PNKD: variants seen among roughly 807,000 people sequenced by gnomAD.
PNKD encodes the protein PNKD metallo-beta-lactamase domain containing, also known as probable thioesterase PNKD.
Under a neutral mutation model 45.3 loss-of-function variants are expected in PNKD, and 36 were observed. The observed-to-expected ratio is 0.80, with a 90% CI of 0.61 to 1.05. The LOEUF (loss-of-function observed/expected upper bound fraction) is 1.05, where lower values mean the gene tolerates loss of function less well. Ranked by LOEUF, PNKD falls within the 50% of genes least tolerant of loss-of-function variation. The pLI is 0.00. For synonymous variants in PNKD, 197 were observed against 210.1 expected (o/e 0.94, Z 0.54); for missense variants, 511 against 506.6 (o/e 1.01, Z -0.08).
intron 2 of PNKD, chr2:218,279,240 C>T: frequency 3.8e-6 from 6 of 1,562,262 alleles, no homozygotes; most frequent in Non-Finnish European, 5.2e-6. Flanking sequence ...AGCAGGTGAC[C>T]CTGAACCCCC....
intron 2 of PNKD, among the ~76,000 whole-genome samples, chr2:218,333,384 G>A (rs559962637): frequency 3.3e-5 from 5 of 152,354 alleles, no homozygotes; most frequent in African/African-American, 1.2e-4. Flanking sequence ...TCAGCATTTA[G>A]TAAGGGGAGG....
chr2:218,335,182 T>A (rs1043478043), intron 2 of PNKD, among the ~76,000 whole-genome samples: 5 of 150,562 alleles, frequency 3.3e-5, no homozygotes, highest in Admixed American at 3.3e-4. Flanking sequence ...TAAATAAATA[T>A]AAATATAAAT....
intron 2 of PNKD, chr2:218,277,446 G>C (rs1298189070): frequency 1.2e-6 from 2 of 1,614,004 alleles, no homozygotes; most frequent in Admixed American, 3.3e-5. Flanking sequence ...GCTTTGGTTT[G>C]GTACATACTG....
intron 2 of PNKD, among the ~76,000 whole-genome samples, chr2:218,299,065 T>C (rs974218976): frequency 6.6e-6 from 1 of 152,204 alleles, no homozygotes; most frequent in Non-Finnish European, 1.5e-5. Context: ...TCTGTGACCA[T>C]ATCAGGATCA....
chr2:218,299,684 T>C (rs1693224715), intron 2 of PNKD, among the ~76,000 whole-genome samples: 1 of 150,940 alleles, frequency 6.6e-6, no homozygotes, highest in Non-Finnish European at 1.5e-5. Context: ...AATGGTGCCA[T>C]GATCTCAGCT....
intron 2 of PNKD, among the ~76,000 whole-genome samples, chr2:218,311,333 A>C (rs1693610925): frequency 6.6e-6 from 1 of 152,214 alleles, no homozygotes; most frequent in East Asian, 1.9e-4. Flanking sequence ...ACACAGAGAC[A>C]AAGTATAGAG....
At chr2:218,274,106 T>C (rs1446776282) in intron 2 of PNKD, 1 of 154,902 alleles carries the variant, frequency 6.5e-6, no homozygotes, top group Admixed American at 6.5e-5. Context: ...TTTGATTACC[T>C]TGGAAAAGGT....
chr2:218,282,159 G>A (rs2292555), intron 2 of PNKD: 31 of 1,462,758 alleles, frequency 2.1e-5, no homozygotes, highest in Admixed American at 2.8e-5. Context: ...CACGGGCTGA[G>A]GGGGAACCCC....
Position 218,345,015 on chromosome 2 carries a change from G to A in PNKD, c.*34G>A, listed in dbSNP as rs751712050. The A allele has an allele frequency of 1.2e-5, 19 of 1,535,642 alleles. No individual in the cohort carries two copies. The highest frequency in any genetic ancestry group is 5.8e-5 in the South Asian group (5 of 86,694). ...GCGCCCCCAGCCCAGCCCACTCCCC[G>A]CATGGGGAGGCCGCCACCACCAACA... On this transcript the variant is annotated 3_prime_UTR_variant, in exon 10 of 10. Coordinates refer to ENST00000273077, the MANE Select transcript of PNKD (RefSeq NM_015488.5).
chr2:218,277,359 C>T, intron 2 of PNKD: 1 of 1,613,756 alleles, frequency 6.2e-7, no homozygotes, highest in Non-Finnish European at 8.5e-7. Flanking sequence ...GCCCTCCATG[C>T]CCTCACCTTG....
rs1437287362 is a variant in PNKD at position 218,339,894 on chromosome 2, C to A, written c.348C>A (p.Phe116Leu). The A allele has an allele frequency of 6.2e-7, 1 of 1,604,322 alleles. No homozygotes were observed. ...ACTCGAAAACCCAGCCCCGCCTCTT[C>A]AATGGTGAGCTCTGACTGCCCCGGC... is the stretch of plus-strand genomic sequence containing the variant. ...KGHSKTQPRL[F>L]NGVKVLPIPV... The change falls in exon 3 of 10, where the codon TTC (phenylalanine) becomes TTA (leucine). Residue 116 changes from phenylalanine to leucine, a missense_variant. Transcript: ENST00000273077.
chr2:218,309,903 C>G (rs1271246701), intron 2 of PNKD, among the ~76,000 whole-genome samples: 1 of 151,582 alleles, frequency 6.6e-6, no homozygotes, highest in Non-Finnish European at 1.5e-5. Flanking sequence ...ACATTGCACT[C>G]CAGCCTGGCG....
chr2:218,330,208 C>T (rs1694278177), intron 2 of PNKD, among the ~76,000 whole-genome samples: 1 of 152,198 alleles, frequency 6.6e-6, no homozygotes, highest in Non-Finnish European at 1.5e-5. Flanking sequence ...CCCTGCCTTC[C>T]ACCCTCCTTC....
intron 2 of PNKD, among the ~76,000 whole-genome samples, chr2:218,335,819 G>T (rs1694471955): frequency 6.6e-6 from 1 of 152,178 alleles, no homozygotes; most frequent in African/African-American, 2.4e-5. Context: ...ATGGAAACCT[G>T]CTTGGTTTTG....
intron 2 of PNKD, among the ~76,000 whole-genome samples, chr2:218,310,490 G>A (rs954637815): frequency 3.3e-5 from 5 of 151,850 alleles, no homozygotes; most frequent in African/African-American, 1.2e-4. Flanking sequence ...TCAAAGTGCT[G>A]GGATTATAGG....
chr2:218,332,274 G>C (rs528437197), intron 2 of PNKD, among the ~76,000 whole-genome samples: 194 of 152,294 alleles, frequency 1.3e-3, no homozygotes, highest in African/African-American at 4.3e-3. Flanking sequence ...TGCGCTGGGG[G>C]CAGTGGAAGG....
chr2:218,302,473 G>T (rs1323756524), intron 2 of PNKD, among the ~76,000 whole-genome samples: 1 of 152,192 alleles, frequency 6.6e-6, no homozygotes, highest in African/African-American at 2.4e-5. Context: ...ACCCTTCTAA[G>T]CAGAAGGATC....
chr2:218,313,802 C>T (rs1693682794), intron 2 of PNKD, among the ~76,000 whole-genome samples: 1 of 152,042 alleles, frequency 6.6e-6, no homozygotes, highest in Non-Finnish European at 1.5e-5. Flanking sequence ...TACTCAACTT[C>T]CCATATTCTT....
At chr2:218,339,695 T>A (rs902476428) in intron 2 of PNKD, 88 bp from the exon 3 acceptor site, 1 of 784,382 alleles carries the variant, frequency 1.3e-6, no homozygotes, top group African/African-American at 1.7e-5. Context: ...ACCAAAGGAA[T>A]GGAGATGTGG....
Sources: gnomAD v4.1 joint callset for allele counts (sites outside exome capture counted in the v4.1 genomes callset) on GRCh38, gnomAD v4.1.1 for gene constraint, MANE v1.5 for transcripts, NCBI Gene and HGNC (gene_info 2026-07-23, HGNC 2026-07-21) for gene names.